TET3: variants seen among roughly 807,000 people sequenced by gnomAD.
TET3 encodes the protein tet methylcytosine dioxygenase 3.
Under a neutral mutation model 141.4 loss-of-function variants are expected in TET3, and 19 were observed. That is an observed-to-expected ratio of 0.13 (90% CI 0.09 to 0.20). TET3 has a LOEUF of 0.20. Among genes scored for constraint, TET3 ranks in the 10% least tolerant of loss-of-function variants. The pLI is 1.00. For missense variants in TET3, 1,874 were observed against 2,356.9 expected (o/e 0.80, Z 4.24); for synonymous variants, 1,043 against 980.9 (o/e 1.06, Z -1.18).
At chr2:74,135,297 A>G in the TET3 span, 2 of 513,636 alleles carry the variant, frequency 3.9e-6, no homozygotes, top group Non-Finnish European at 3.4e-6. Flanking sequence ...AAACCTCTTC[A>G]AAAGACAAAA....
chr2:74,102,511 T>G lies in TET3; in HGVS notation c.*335T>G. 1 of 179,388 alleles carries G rather than the reference T, an allele frequency of 5.6e-6. No homozygotes were observed. The allele number at this position is 179,388 out of a possible 1,614,324, so 11.1% of individuals were successfully genotyped here. ...CTCTTTGTTTTTAAAACTCTATCCT[T>G]GTATATCACAATAATGGAAAGAAAG... On this transcript the variant is annotated 3_prime_UTR_variant, in exon 12 of 12. Transcript: ENST00000409262.
chr2:74,123,942 C>T, the TET3 span, among the ~76,000 whole-genome samples: 2 of 151,898 alleles, frequency 1.3e-5, no homozygotes, highest in African/African-American at 4.8e-5. Flanking sequence ...GCGTCTCTGC[C>T]CGACTGCCAC....
intron 10 of TET3, among the ~76,000 whole-genome samples, chr2:74,095,069 T>C (rs554663895): frequency 1.3e-5 from 2 of 152,266 alleles, no homozygotes; most frequent in East Asian, 3.9e-4. Flanking sequence ...CTGCTCTGCC[T>C]TTTAGCCAGG....
At chr2:73,998,892 C>T (rs1684719253) in intron 2 of TET3, among the ~76,000 whole-genome samples, 1 of 151,960 alleles carries the variant, frequency 6.6e-6, no homozygotes. Context: ...GTGTGTGGAA[C>T]GTAGGCATAG....
chr2:73,996,371 T>C (rs977037114), intron 2 of TET3, among the ~76,000 whole-genome samples: 6 of 152,136 alleles, frequency 3.9e-5, no homozygotes, highest in African/African-American at 1.4e-4. Context: ...GAGGGCCCTT[T>C]AGAGTTGCTG....
intron 3 of TET3, among the ~76,000 whole-genome samples, chr2:74,045,716 G>T (rs1384573121): frequency 6.6e-6 from 1 of 152,168 alleles, no homozygotes; most frequent in Admixed American, 6.5e-5. Context: ...GCTCAGCCTG[G>T]GCTTAAGTGA....
Position 74,100,607 on chromosome 2 carries a change from T to C in TET3, c.3819T>C (p.Asn1273=). 1 of 1,613,954 alleles carries C rather than the reference T, an allele frequency of 6.2e-7. No homozygotes were observed. ...YYAQPSLTSV[N]GFHSKYALPS... is the part of the protein sequence containing the mutation. ...CACAGCCCAGCCTGACCTCCGTCAA[T>C]GGCTTCCACTCCAAGTACGCTCTCC... is the stretch of plus-strand genomic sequence containing the variant. Residue 1273 remains asparagine (N), a synonymous_variant, in exon 12 of 12, where the codon AAT becomes AAC. Transcript: ENST00000409262.
chr2:73,987,384 C>G (rs1684090465), intron 2 of TET3, among the ~76,000 whole-genome samples: 1 of 152,054 alleles, frequency 6.6e-6, no homozygotes, highest in Admixed American at 6.5e-5. Flanking sequence ...GAGGTGTACT[C>G]CCTTTATTTG....
intron 5 of TET3, among the ~76,000 whole-genome samples, chr2:74,076,453 T>G (rs1360928476): frequency 3.5e-5 from 5 of 142,440 alleles, no homozygotes; most frequent in African/African-American, 8.3e-5. Context: ...TTTTTTTTTT[T>G]TTTTTTTTTT....
rs750351709 is a variant in TET3 at position 74,040,303 on chromosome 2, C to T, written c.361-5975C>T. Among the ~76,000 whole-genome samples, 10 of 151,956 alleles carry T rather than the reference C, an allele frequency of 6.6e-5. No individual in the cohort carries two copies. In the East Asian group the frequency reaches 1.2e-3, roughly 18 times the overall value. Reference sequence around the variant, plus strand: ...GGATACATAGAGTTGCTTAAAGGACCGACTGTCAGGTGAGACAATTAAAAC... The same window carrying T: ...GGATACATAGAGTTGCTTAAAGGACTGACTGTCAGGTGAGACAATTAAAAC... On this transcript the variant is annotated intron_variant, in intron 3 of 11. Coordinates refer to ENST00000409262, the MANE Select transcript of TET3 (RefSeq NM_001287491.2).
chr2:74,019,480 A>C (rs1275588675), intron 3 of TET3, among the ~76,000 whole-genome samples: 1 of 152,082 alleles, frequency 6.6e-6, no homozygotes, highest in Non-Finnish European at 1.5e-5. Flanking sequence ...TCAAGTCCTC[A>C]TGGTATATTG....
At chr2:74,074,554 T>C (rs907318824) in intron 5 of TET3, among the ~76,000 whole-genome samples, 26 of 152,276 alleles carry the variant, frequency 1.7e-4, no homozygotes, top group African/African-American at 6.0e-4. Context: ...TAAGTTCGAG[T>C]CTATGGCTCA....
chr2:74,052,809 G>A (rs750141326), intron 4 of TET3, among the ~76,000 whole-genome samples: 7 of 152,208 alleles, frequency 4.6e-5, no homozygotes, highest in Non-Finnish European at 8.8e-5. Flanking sequence ...GGCCGAGGTT[G>A]CAGTGAGCTG....
At chr2:74,040,447 G>A (rs1055654175) in intron 3 of TET3, among the ~76,000 whole-genome samples, 1 of 152,136 alleles carries the variant, frequency 6.6e-6, no homozygotes, top group African/African-American at 2.4e-5. Context: ...GGAAGAATAT[G>A]GGTAACATTT....
rs928095016 is a variant in TET3 at position 74,102,456 on chromosome 2, C to A, written c.*280C>A. 1.0e-5 allele frequency: 3 copies of A among 295,930 alleles called. No individual in the cohort carries two copies. The highest frequency in any genetic ancestry group is 1.8e-5 in the Non-Finnish European group (3 of 164,656). 18.3% of individuals were successfully genotyped at this position (295,930 alleles called of 1,614,324 possible). A position where few individuals can be genotyped will look rare whatever the true frequency, so the allele number is the denominator to read the frequency against. The stretch of plus-strand genomic sequence containing the variant: ...TTTATATCTCCAAGTTGTCCCCCCC[C>A]CTTGTCTGGGGGGTTTTTATTTTTA... On this transcript the variant is annotated 3_prime_UTR_variant, in exon 12 of 12. Transcript: ENST00000409262.
intron 6 of TET3, among the ~76,000 whole-genome samples, chr2:74,081,760 A>G (rs1488578789): frequency 1.3e-5 from 2 of 152,320 alleles, no homozygotes; most frequent in African/African-American, 4.8e-5. Context: ...TACCTGGTAT[A>G]CACCCTGTGC....
In TET3 at chr2:74,047,983, T is replaced by A. The variant is rs939644021; in HGVS notation, c.2066T>A (p.Met689Lys). ...CAGGAAATGAGGTCCCCCAGCCCCA[T>A]GACAGCCTTGCAGCCAGGCTCCACT... ...PTQEMRSPSP[M>K]TALQPGSTGP... is the part of the protein sequence containing the mutation. The change falls in exon 4 of 12, where the codon ATG (methionine) becomes AAG (lysine). Residue 689 changes from methionine to lysine, a missense_variant. Coordinates refer to ENST00000409262, the MANE Select transcript of TET3 (RefSeq NM_001287491.2). 1 of 1,610,418 alleles carries A rather than the reference T, an allele frequency of 6.2e-7. No homozygotes were observed.
At chr2:74,016,977 C>T (rs1430304336) in intron 3 of TET3, among the ~76,000 whole-genome samples, 1 of 151,970 alleles carries the variant, frequency 6.6e-6, no homozygotes, top group Non-Finnish European at 1.5e-5. Flanking sequence ...AAAATTTACT[C>T]TTCTAGCTAT....
intron 4 of TET3, among the ~76,000 whole-genome samples, chr2:74,073,012 G>A (rs1248776669): frequency 6.6e-6 from 1 of 152,182 alleles, no homozygotes; most frequent in African/African-American, 2.4e-5. Context: ...TGATTATGTT[G>A]TTTTCACCTT....
Sources: gnomAD v4.1 joint callset for allele counts (sites outside exome capture counted in the v4.1 genomes callset) on GRCh38, gnomAD v4.1.1 for gene constraint, MANE v1.5 for transcripts, NCBI Gene and HGNC (gene_info 2026-07-23, HGNC 2026-07-21) for gene names.